Variants in DNAJC3 observed in about 807,000 individuals in gnomAD.
The protein encoded by DNAJC3 is dnaJ homolog subfamily C member 3.
Under a neutral mutation model 68.6 loss-of-function variants are expected in DNAJC3, and 38 were observed. The ratio of observed to expected loss-of-function variants is 0.55; its 90% CI spans 0.43 to 0.73. DNAJC3 has a LOEUF of 0.73. Ranked by LOEUF, DNAJC3 falls within the 30% of genes least tolerant of loss-of-function variation. DNAJC3 has a pLI of 0.00. For synonymous variants in DNAJC3, 203 were observed against 204.0 expected, an observed-to-expected ratio of 1.00 and a Z score of 0.04; for missense variants, 526 against 591.9, an observed-to-expected ratio of 0.89 and a Z score of 1.16.
rs182948244 is a variant in DNAJC3 at position 95,710,741 on chromosome 13, C to T, written c.193+1404C>T. On this transcript the variant is annotated intron_variant, in intron 2 of 11. Transcript: ENST00000602402. ...TTGCTCTGTCATCCAGGCTGGAGTGCAGTCACGTGATCTTGGCTCACTGCA... is the reference window on the plus strand; with the variant it reads ...TTGCTCTGTCATCCAGGCTGGAGTGTAGTCACGTGATCTTGGCTCACTGCA... Among the ~76,000 whole-genome samples, 458 of 152,276 alleles carry T rather than the reference C, an allele frequency of 3.0e-3. 2 individuals are homozygous for T. The highest frequency in any genetic ancestry group is 0.018 in the South Asian group (87 of 4,828).
chr13:95,679,827 T>TA (rs552840561), intron 1 of DNAJC3, among the ~76,000 whole-genome samples: 4 of 152,134 alleles, frequency 2.6e-5, no homozygotes, highest in Non-Finnish European at 5.9e-5. Flanking sequence ...AATTCACTTT[T>TA]AAAAAAAGAA....
chr13:95,677,811 G>C (rs1284243059), intron 1 of DNAJC3, among the ~76,000 whole-genome samples: 2 of 152,222 alleles, frequency 1.3e-5, no homozygotes, highest in Non-Finnish European at 2.9e-5. Context: ...CTGGGAGTTG[G>C]AGGGGACAGT....
intron 5 of DNAJC3, 79 bp from the exon 6 acceptor site, chr13:95,759,960 TA>T: frequency 2.2e-6 from 3 of 1,350,978 alleles, no homozygotes; most frequent in Non-Finnish European, 3.0e-6. Flanking sequence ...GATAAATACG[TA>T]GATAAAAAAT....
chr13:95,695,931 CTAATA>C (rs1329143628), intron 1 of DNAJC3, among the ~76,000 whole-genome samples: 2 of 152,188 alleles, frequency 1.3e-5, no homozygotes, highest in Admixed American at 1.3e-4. Flanking sequence ...ACTGCCAACA[CTAATA>C]TATTAGTACT....
intron 2 of DNAJC3, among the ~76,000 whole-genome samples, chr13:95,713,381 A>G (rs79910754): frequency 0.017 from 2,590 of 152,318 alleles, 74 homozygotes; most frequent in African/African-American, 0.059. Flanking sequence ...GAGTCTCTCT[A>G]TATTAGCAAT....
chr13:95,690,894 C>T (rs377617091), intron 1 of DNAJC3, among the ~76,000 whole-genome samples: 6,060 of 123,300 alleles, frequency 0.049, 183 homozygotes, highest in East Asian at 0.097. Flanking sequence ...ACTTCCCAGA[C>T]GGGGCGGCTG....
In DNAJC3 at chr13:95,763,826, C is replaced by T. The variant is rs994502402; in HGVS notation, c.955-7C>T. 11 of 1,613,942 alleles carry T rather than the reference C, an allele frequency of 6.8e-6. No individual in the cohort carries two copies. Among genetic ancestry groups the T allele is most frequent in the Non-Finnish European group, 9.3e-6 (11 of 1,179,946 alleles). On this transcript the variant is annotated splice_region_variant and splice_polypyrimidine_tract_variant and intron_variant, in intron 8 of 11. Coordinates refer to ENST00000602402, the MANE Select transcript of DNAJC3 (RefSeq NM_006260.5). ...ACCATAAATCCTTGTCTCACATTTC[C>T]TTTTAGGACGAGAAGCCTGTTGAAG...
At chr13:95,772,583 A>G (rs1320339336) in intron 9 of DNAJC3, among the ~76,000 whole-genome samples, 1 of 152,104 alleles carries the variant, frequency 6.6e-6, no homozygotes, top group Non-Finnish European at 1.5e-5. Flanking sequence ...GTTAGTATCT[A>G]TTGTGGTTTT....
rs1491401957 is a variant in DNAJC3 at position 95,688,965 on chromosome 13, T to TGTGTGTGC, written c.82+11629_82+11630insTGTGTGCG. Among the ~76,000 whole-genome samples the TGTGTGTGC allele has an allele frequency of 6.8e-3, 885 of 131,004 alleles. 13 individuals carry two copies. Among genetic ancestry groups the TGTGTGTGC allele is most frequent in the African/African-American group, 0.022 (846 of 38,346 alleles). 85.9% of individuals were successfully genotyped at this position (131,004 alleles called of 152,430 possible). A position where few individuals can be genotyped will look rare whatever the true frequency, so the allele number is the denominator to read the frequency against. ...GTGTGTGTGTGTGTGTGTGTGTGTG[T>TGTGTGTGC]GCGCGCTGTTGGATTTAGTTTGCTA... On this transcript the variant is annotated intron_variant, in intron 1 of 11. Transcript: ENST00000602402.
chr13:95,760,888 C>G lies in DNAJC3; in HGVS notation c.848+90C>G. 3.3e-6 allele frequency: 5 copies of G among 1,497,414 alleles called. No individual in the cohort carries two copies. The South Asian group carries it at 6.3e-5, about 19-fold the overall frequency. The allele number at this position is 1,497,414 out of a possible 1,614,324, so 92.8% of individuals were successfully genotyped here. Reference sequence around the variant, plus strand: ...ACTACAGAACTGCTCTTTTACTTCTCAGCCATTGAGGGTGGGGTATTCTAG... The same window carrying G: ...ACTACAGAACTGCTCTTTTACTTCTGAGCCATTGAGGGTGGGGTATTCTAG... On this transcript the variant is annotated intron_variant, in intron 7 of 11. Coordinates refer to ENST00000602402, the MANE Select transcript of DNAJC3 (RefSeq NM_006260.5).
intron 9 of DNAJC3, among the ~76,000 whole-genome samples, chr13:95,785,221 T>C (rs1883563752): frequency 6.6e-6 from 1 of 152,046 alleles, no homozygotes; most frequent in South Asian, 2.1e-4. Flanking sequence ...CTGTTGTCAA[T>C]CCATAGCTGA....
At chr13:95,731,241 G>A (rs73550598) in intron 4 of DNAJC3, among the ~76,000 whole-genome samples, 1,713 of 152,248 alleles carry the variant, frequency 0.011, 34 homozygotes, top group African/African-American at 0.039. Flanking sequence ...CATCTGCAAA[G>A]TGGGACAATT....
chr13:95,753,318 GT>G (rs17878808), intron 4 of DNAJC3, among the ~76,000 whole-genome samples: 3,493 of 151,812 alleles, frequency 0.023, 56 homozygotes, highest in Non-Finnish European at 0.033. Flanking sequence ...AGTTCTTTAT[GT>G]TTTTTTCTTT....
chr13:95,688,969 C>T (rs914761646), intron 1 of DNAJC3, among the ~76,000 whole-genome samples: 17 of 143,306 alleles, frequency 1.2e-4, no homozygotes, highest in South Asian at 4.2e-4. Flanking sequence ...TGTGTGTGCG[C>T]GCTGTTGGAT....
In DNAJC3 at chr13:95,710,120, C is replaced by T. The variant is rs142473519; in HGVS notation, c.193+783C>T. On this transcript the variant is annotated intron_variant, in intron 2 of 11. Transcript: ENST00000602402. Reference sequence around the variant, plus strand: ...CTTCTTATTTCTTACTCATGTCTGTCTGTAGAATCAACTGTCGTGCAGCTG... The same window carrying T: ...CTTCTTATTTCTTACTCATGTCTGTTTGTAGAATCAACTGTCGTGCAGCTG... 4.2e-4 allele frequency among the ~76,000 whole-genome samples: 64 copies of T among 152,212 alleles called. No homozygotes were observed. In the South Asian group the frequency reaches 8.3e-3, roughly 20 times the overall value.
chr13:95,732,101 G>A (rs1881735788), intron 4 of DNAJC3, among the ~76,000 whole-genome samples: 1 of 151,986 alleles, frequency 6.6e-6, no homozygotes, highest in Non-Finnish European at 1.5e-5. Flanking sequence ...GAGGATGTTT[G>A]CATCTGTGTT....
chr13:95,743,951 T>C (rs1882227141), intron 4 of DNAJC3, among the ~76,000 whole-genome samples: 1 of 152,226 alleles, frequency 6.6e-6, no homozygotes, highest in Non-Finnish European at 1.5e-5. Flanking sequence ...TATTTTAAGG[T>C]TGGTGTCTTT....
intron 1 of DNAJC3, among the ~76,000 whole-genome samples, chr13:95,679,163 CT>C (rs1879846305): frequency 1.5e-5 from 2 of 136,510 alleles, no homozygotes; most frequent in Non-Finnish European, 3.1e-5. Context: ...AGTCCAAGCA[CT>C]TTTAAGTGAT....
intron 4 of DNAJC3, among the ~76,000 whole-genome samples, chr13:95,725,617 A>G (rs1036479860): frequency 6.6e-6 from 1 of 151,752 alleles, no homozygotes; most frequent in Non-Finnish European, 1.5e-5. Flanking sequence ...GTCCTTTTGG[A>G]GATCCTTCAT....
Sources: allele counts gnomAD v4.1 joint callset (sites outside exome capture counted in the v4.1 genomes callset), GRCh38; gene constraint gnomAD v4.1.1; transcripts MANE v1.5; gene names NCBI Gene and HGNC (gene_info 2026-07-23, HGNC 2026-07-21).